Variants in RAC1 observed in about 807,000 individuals in gnomAD.
RAC1 encodes Rac family small GTPase 1, also known as ras-related C3 botulinum toxin substrate 1.
In RAC1, 2 loss-of-function variants were observed where a neutral mutation model predicts 25.2. The observed-to-expected ratio is 0.08, with a 90% confidence interval of 0.03 to 0.25. The LOEUF is 0.25. RAC1 is among the 10% of genes least tolerant of loss of function. RAC1 has a pLI of 1.00. For synonymous variants in RAC1, 88 were observed against 94.0 expected (o/e 0.94, Z 0.37); for missense variants, 50 against 235.7 (o/e 0.21, Z 5.16).
intron 1 of RAC1, among the ~76,000 whole-genome samples, chr7:6,375,493 G>A (rs538815156): frequency 7.9e-5 from 12 of 152,104 alleles, no homozygotes; most frequent in Non-Finnish European, 1.2e-4. Context: ...CTCCAAAAGC[G>A]CTGGGGTGAC....
intron 1 of RAC1, among the ~76,000 whole-genome samples, chr7:6,380,238 C>T (rs1227337875): frequency 6.6e-6 from 1 of 152,164 alleles, no homozygotes; most frequent in Non-Finnish European, 1.5e-5. Flanking sequence ...CATGGGGTTT[C>T]ATATTTTTGA....
At position 6,381,301 on chromosome 7, in the gene RAC1, G is replaced by C. The variant is rs568663622; in HGVS notation, c.36-5911G>C. Among the ~76,000 whole-genome samples, 12 of 152,166 alleles carry C rather than the reference G, an allele frequency of 7.9e-5. No individual in the cohort carries two copies. In the East Asian group the frequency reaches 1.5e-3, roughly 20 times the overall value. On this transcript the variant is annotated intron_variant, in intron 1 of 5. Coordinates refer to ENST00000348035, the MANE Select transcript of RAC1 (RefSeq NM_006908.5). The stretch of plus-strand genomic sequence containing the variant: ...TCTGGAAGGGTGGATTCAGACTTCA[G>C]CTCAGTTGTACATAGTGTCTTCAGC...
At position 6,402,250 on chromosome 7, in the gene RAC1, G is replaced by A. The variant is rs1179940285; in HGVS notation, c.449-66G>A. On this transcript the variant is annotated intron_variant, in intron 5 of 5. Transcript: ENST00000348035. ...GCCCGGGCCCCAGGAGCTGCCTCCC[G>A]CTGGTGGTGTGATCAGAAGAGAGTG... 1.9e-5 allele frequency: 29 copies of A among 1,533,544 alleles called. No individual in the cohort carries two copies. In the Admixed American group the frequency reaches 3.2e-4, roughly 17 times the overall value. 95.0% of individuals were successfully genotyped at this position (1,533,544 alleles called of 1,614,324 possible).
At chr7:6,379,930 T>C (rs1782718409) in intron 1 of RAC1, among the ~76,000 whole-genome samples, 1 of 151,928 alleles carries the variant, frequency 6.6e-6, no homozygotes, top group Non-Finnish European at 1.5e-5. Flanking sequence ...ATTTTAATAG[T>C]GTTGTTTTGG....
intron 1 of RAC1, among the ~76,000 whole-genome samples, chr7:6,381,163 C>T (rs187245760): frequency 4.8e-4 from 73 of 152,228 alleles, no homozygotes; most frequent in African/African-American, 1.5e-3. Context: ...CCACCATGCC[C>T]GGCCTGATTT....
chr7:6,400,811 G>A (rs1233827692), intron 4 of RAC1, among the ~76,000 whole-genome samples: 1 of 152,088 alleles, frequency 6.6e-6, no homozygotes, highest in Non-Finnish European at 1.5e-5. Context: ...GAGTAACTGG[G>A]ATTACAGGCA....
At chr7:6,396,471 G>A (rs1457125727) in intron 3 of RAC1, among the ~76,000 whole-genome samples, 1 of 152,158 alleles carries the variant, frequency 6.6e-6, no homozygotes, top group Non-Finnish European at 1.5e-5. Context: ...TAGCACGAAC[G>A]CCGGGTGGAA....
In RAC1 at chr7:6,394,883, C is replaced by G. The variant is rs550463924; in HGVS notation, c.225+2842C>G. Among the ~76,000 whole-genome samples, 4 of 150,512 alleles carry G rather than the reference C, an allele frequency of 2.7e-5. No homozygotes were observed. The South Asian group carries it at 8.5e-4, about 32-fold the overall frequency. On this transcript the variant is annotated intron_variant, in intron 3 of 5. Transcript: ENST00000348035. ...TATTTTATTTTTTTTGAGACGGAGT[C>G]TTGCTCTGTCGCCCAGGCTGGAGTG...
intron 3 of RAC1, among the ~76,000 whole-genome samples, chr7:6,397,213 C>A (rs144717066): frequency 7.0e-6 from 1 of 143,802 alleles, no homozygotes; most frequent in African/African-American, 2.7e-5. Flanking sequence ...TGCACTCCAG[C>A]CTGGGCGACA....
intron 4 of RAC1, 57 bp from the exon 5 acceptor site, chr7:6,401,811 G>T: frequency 6.4e-7 from 1 of 1,554,582 alleles, no homozygotes. Flanking sequence ...GTGTGATTTA[G>T]GTGAAGGACA....
At chr7:6,398,761 G>A in intron 3 of RAC1, 8 of 1,573,310 alleles carry the variant, frequency 5.1e-6, no homozygotes, top group Non-Finnish European at 6.1e-6. Flanking sequence ...AGCTTTCTCT[G>A]TTCTCTCATT....
At chr7:6,396,255 C>T (rs1783231558) in intron 3 of RAC1, among the ~76,000 whole-genome samples, 1 of 151,996 alleles carries the variant, frequency 6.6e-6, no homozygotes, top group African/African-American at 2.4e-5. Flanking sequence ...CCTCTCAGGT[C>T]CTCTTGAGTG....
chr7:6,381,871 C>T (rs980818583), intron 1 of RAC1, among the ~76,000 whole-genome samples: 3 of 152,140 alleles, frequency 2.0e-5, no homozygotes, highest in African/African-American at 7.2e-5. Context: ...TTACAGAATC[C>T]CCATACCTTG....
At chr7:6,399,441 G>C (rs1462788092) in intron 3 of RAC1, among the ~76,000 whole-genome samples, 1 of 152,234 alleles carries the variant, frequency 6.6e-6, no homozygotes, top group African/African-American at 2.4e-5. Flanking sequence ...AATACAGAAT[G>C]GATGAAGCAT....
At chr7:6,400,688 T>TTTTTGG (rs927583211) in intron 4 of RAC1, among the ~76,000 whole-genome samples, 1 of 151,930 alleles carries the variant, frequency 6.6e-6, no homozygotes, top group Non-Finnish European at 1.5e-5. Context: ...TTTGTTTTTG[T>TTTTTGG]TTTTGAGATG....
intron 4 of RAC1, among the ~76,000 whole-genome samples, chr7:6,400,612 C>T (rs1012383473): frequency 1.2e-4 from 19 of 152,272 alleles, no homozygotes; most frequent in African/African-American, 4.3e-4. Flanking sequence ...AGCTGTGAGC[C>T]ACTGCATCTG....
intron 3 of RAC1, among the ~76,000 whole-genome samples, chr7:6,393,548 G>C (rs73055497): frequency 0.014 from 2,134 of 152,236 alleles, 33 homozygotes; most frequent in South Asian, 0.028. Context: ...ACACAGATAA[G>C]GAAAGAGAAC....
intron 3 of RAC1, among the ~76,000 whole-genome samples, chr7:6,395,396 C>T (rs1583267886): frequency 6.6e-6 from 1 of 152,222 alleles, no homozygotes; most frequent in Admixed American, 6.5e-5. Context: ...GTTACAAGTG[C>T]AGCCAGAGAG....
chr7:6,374,905 G>A (rs1373231469), intron 1 of RAC1, 135 bp downstream of exon 1: 7 of 725,280 alleles, frequency 9.7e-6, no homozygotes, highest in East Asian at 1.0e-4. Context: ...TGTGTCGCGG[G>A]GCGGGGGCCG....
Sources: allele counts gnomAD v4.1 joint callset (sites outside exome capture counted in the v4.1 genomes callset), GRCh38; gene constraint gnomAD v4.1.1; transcripts MANE v1.5; gene names NCBI Gene and HGNC (gene_info 2026-07-23, HGNC 2026-07-21).